The following EML1 variants were observed in gnomAD, a reference collection of about 807,000 sequenced individuals.
The protein encoded by EML1 is EMAP like 1, also known as echinoderm microtubule-associated protein-like 1.
A neutral mutation model predicts 110.4 loss-of-function variants in EML1; 27 were observed. That is an observed-to-expected ratio of 0.24 (90% confidence interval 0.18 to 0.34). The LOEUF (loss-of-function observed/expected upper bound fraction) is 0.34. Ranked by LOEUF, EML1 falls within the 10% of genes least tolerant of loss-of-function variation. The probability of loss-of-function intolerance (pLI) is 1.00; values close to 1 mark genes in which losing one functional copy is unlikely to be tolerated. For missense variants in EML1, 741 were observed against 1,030.9 expected, an observed-to-expected ratio of 0.72 and a Z score of 3.85; for synonymous variants, 344 against 385.8, an observed-to-expected ratio of 0.89 and a Z score of 1.27.
At chr14:99,789,114 T>C (rs1462457271), upstream of EML1, among the ~76,000 whole-genome samples, 1 of 152,226 alleles carries the variant, frequency 6.6e-6, no homozygotes, top group Non-Finnish European at 1.5e-5. Context: ...AATGCTGCTA[T>C]GAACATGGGT....
chr14:99,758,593 G>T (rs1372027733), intron 1 of EML1, among the ~76,000 whole-genome samples: 1 of 152,132 alleles, frequency 6.6e-6, no homozygotes, highest in Non-Finnish European at 1.5e-5. Context: ...AGAGCCCCAG[G>T]CCTGCCCAGA....
At chr14:99,882,359 T>A (rs1182634475) in intron 4 of EML1, among the ~76,000 whole-genome samples, 1 of 152,204 alleles carries the variant, frequency 6.6e-6, no homozygotes, top group Non-Finnish European at 1.5e-5. Flanking sequence ...GCTAGATTGA[T>A]AAAGCATTTC....
At chr14:99,845,225 T>G (rs1452224371) in intron 1 of EML1, among the ~76,000 whole-genome samples, 1 of 152,222 alleles carries the variant, frequency 6.6e-6, no homozygotes, top group African/African-American at 2.4e-5. Context: ...TGTAATAATA[T>G]CTCATTGTAG....
At chr14:99,865,932 C>A (rs1433167378) in intron 3 of EML1, among the ~76,000 whole-genome samples, 1 of 152,044 alleles carries the variant, frequency 6.6e-6, no homozygotes, top group African/African-American at 2.4e-5. Flanking sequence ...GTTAGTATAA[C>A]CTGGGTAAAA....
intron 1 of EML1, among the ~76,000 whole-genome samples, chr14:99,848,866 G>T (rs2139823707): frequency 6.6e-6 from 1 of 152,036 alleles, no homozygotes; most frequent in East Asian, 1.9e-4. Context: ...AGAAGGCTGA[G>T]GTGGGAGGAT....
At chr14:99,801,467 T>A (rs909322797) in intron 1 of EML1, among the ~76,000 whole-genome samples, 3 of 151,862 alleles carry the variant, frequency 2.0e-5, no homozygotes, top group African/African-American at 7.3e-5. Context: ...TACCAAAAAT[T>A]AGCCGGGCGT....
At chr14:99,775,350 G>C (rs1813958314) in intron 1 of EML1, among the ~76,000 whole-genome samples, 1 of 152,236 alleles carries the variant, frequency 6.6e-6, no homozygotes, top group Admixed American at 6.5e-5. Flanking sequence ...GAGGGAGAAA[G>C]GGCATATGAC....
At chr14:99,914,340 C>T (rs1220959781) in intron 14 of EML1, 36 bp downstream of exon 14, 1 of 1,594,642 alleles carries the variant, frequency 6.3e-7, no homozygotes, top group Admixed American at 1.7e-5. Context: ...CAAACACTCT[C>T]ATTTTGCATT....
At chr14:99,815,993 G>A (rs1040686638) in intron 1 of EML1, among the ~76,000 whole-genome samples, 6 of 152,264 alleles carry the variant, frequency 3.9e-5, no homozygotes, top group African/African-American at 1.4e-4. Flanking sequence ...GTTGTTCAGA[G>A]CACAGATGTT....
intron 1 of EML1, among the ~76,000 whole-genome samples, chr14:99,797,601 A>T (rs1032564966): frequency 9.2e-5 from 14 of 152,330 alleles, no homozygotes; most frequent in African/African-American, 3.4e-4. Flanking sequence ...AAGGAAATGG[A>T]TGAAAGAGGG....
intron 1 of EML1, among the ~76,000 whole-genome samples, chr14:99,826,839 G>C (rs2058369100): frequency 6.6e-6 from 1 of 152,204 alleles, no homozygotes; most frequent in South Asian, 2.1e-4. Flanking sequence ...ATCAGGCACA[G>C]AACTCATGGT....
chr14:99,791,674 T>A (rs1023631935), upstream of EML1, among the ~76,000 whole-genome samples: 4 of 152,154 alleles, frequency 2.6e-5, no homozygotes, highest in African/African-American at 9.7e-5. Context: ...ACTGCAGACA[T>A]CCTGGGCTGT....
chr14:99,798,392 CTTTT>C (rs374969316), intron 1 of EML1, among the ~76,000 whole-genome samples: 2 of 131,034 alleles, frequency 1.5e-5, no homozygotes, highest in East Asian at 2.2e-4. Context: ...AAAGTCTATA[CTTTT>C]TTTTTTTTTT....
chr14:99,750,446 A>C (rs557411968), intron 1 of EML1, among the ~76,000 whole-genome samples: 1 of 152,304 alleles, frequency 6.6e-6, no homozygotes, highest in East Asian at 1.9e-4. Context: ...GGGGAGCATG[A>C]CTGAGGAATC....
chr14:99,896,171 T>A (rs916090288), intron 6 of EML1, among the ~76,000 whole-genome samples: 14 of 151,746 alleles, frequency 9.2e-5, no homozygotes, highest in East Asian at 1.9e-4. Flanking sequence ...AAAAAAAAAA[T>A]TTTTTTTCAC....
chr14:99,808,148 C>T lies in EML1; in HGVS notation c.67+14605C>T, dbSNP rs79329853. 6.3e-3 allele frequency among the ~76,000 whole-genome samples: 961 copies of T among 152,266 alleles called. 12 individuals carry two copies. The highest frequency in any genetic ancestry group is 0.019 in the African/African-American group (785 of 41,518). On this transcript the variant is annotated intron_variant, in intron 1 of 21. Coordinates refer to ENST00000262233, the MANE Select transcript of EML1 (RefSeq NM_004434.3). Reference sequence around the variant, plus strand: ...TGATCACTGCTGGTTTCCCTCTGCCCTGCACCGTGGTCAGCTGTGAGGGCC... The same window carrying T: ...TGATCACTGCTGGTTTCCCTCTGCCTTGCACCGTGGTCAGCTGTGAGGGCC...
chr14:99,739,929 C>T (rs536697283), intron 1 of EML1, among the ~76,000 whole-genome samples: 69 of 152,264 alleles, frequency 4.5e-4, no homozygotes, highest in African/African-American at 1.6e-3. Flanking sequence ...TGACCTAGGG[C>T]AGACTATTCA....
intron 1 of EML1, among the ~76,000 whole-genome samples, chr14:99,794,095 TG>T (rs1305975554): frequency 6.6e-6 from 1 of 152,240 alleles, no homozygotes; most frequent in Admixed American, 6.5e-5. Flanking sequence ...AAAGTGGACC[TG>T]GCCTCAGTGT....
intron 5 of EML1, among the ~76,000 whole-genome samples, chr14:99,892,578 A>G (rs1377447909): frequency 6.6e-6 from 1 of 152,176 alleles, no homozygotes; most frequent in Non-Finnish European, 1.5e-5. Context: ...TGCCTGGAAC[A>G]AACACTGCTT....
Sources: allele counts gnomAD v4.1 joint callset (sites outside exome capture counted in the v4.1 genomes callset), GRCh38; gene constraint gnomAD v4.1.1; transcripts MANE v1.5; gene names NCBI Gene and HGNC (gene_info 2026-07-23, HGNC 2026-07-21).